PLEKHA8: variants seen among roughly 807,000 people sequenced by gnomAD.
PLEKHA8 encodes the protein pleckstrin homology domain-containing family A member 8.
A neutral mutation model predicts 68.2 loss-of-function variants in PLEKHA8; 36 were observed. That is an observed-to-expected ratio of 0.53 (90% confidence interval 0.40 to 0.70). PLEKHA8 has a LOEUF of 0.70. Among genes scored for constraint, PLEKHA8 ranks in the 30% least tolerant of loss-of-function variants. The pLI is 0.00. For synonymous variants in PLEKHA8, 211 were observed against 216.1 expected (o/e 0.98, Z 0.20); for missense variants, 505 against 615.4 (o/e 0.82, Z 1.90).
At chr7:30,048,043 T>A in intron 4 of PLEKHA8, 87 bp downstream of exon 4, 1 of 773,682 alleles carries the variant, frequency 1.3e-6, no homozygotes, top group Non-Finnish European at 1.7e-6. Context: ...AGGTAAAATA[T>A]TATTTTATTA....
chr7:30,102,645 T>C (rs1265834191), intron 13 of PLEKHA8, among the ~76,000 whole-genome samples: 1 of 152,246 alleles, frequency 6.6e-6, no homozygotes, highest in Non-Finnish European at 1.5e-5. Context: ...CTTGGAAATA[T>C]TATGTGAAGT....
intron 13 of PLEKHA8, among the ~76,000 whole-genome samples, chr7:30,103,174 G>A (rs1795916335): frequency 1.3e-5 from 2 of 152,160 alleles, no homozygotes; most frequent in African/African-American, 4.8e-5. Flanking sequence ...TAACAAAAAT[G>A]TTCCAGAACA....
intron 4 of PLEKHA8, among the ~76,000 whole-genome samples, chr7:30,048,439 CTG>C (rs1011140639): frequency 3.9e-5 from 6 of 152,340 alleles, no homozygotes; most frequent in African/African-American, 1.4e-4. Flanking sequence ...ACCATCATAA[CTG>C]TGCTTTGGAA....
chr7:30,055,363 T>G (rs927696696), intron 9 of PLEKHA8, 21 bp downstream of exon 9: 10 of 1,599,404 alleles, frequency 6.3e-6, no homozygotes, highest in Non-Finnish European at 8.6e-6. Context: ...TGCAGTTGCC[T>G]TACATTCATT....
chr7:30,090,441 C>A, exon 13 of PLEKHA8: 1 of 353,450 alleles, frequency 2.8e-6, no homozygotes, highest in East Asian at 4.6e-5. Flanking sequence ...TGAGTGCCTT[C>A]TTAAGGAAAC....
intron 1 of PLEKHA8, among the ~76,000 whole-genome samples, chr7:30,040,594 A>G (rs1180210152): frequency 6.6e-6 from 1 of 152,144 alleles, no homozygotes; most frequent in African/African-American, 2.4e-5. Flanking sequence ...CCCCCACCCA[A>G]ACCTCATGGT....
chr7:30,119,352 G>A (rs896742484), intron 13 of PLEKHA8, among the ~76,000 whole-genome samples: 2 of 152,152 alleles, frequency 1.3e-5, no homozygotes, highest in African/African-American at 4.8e-5. Context: ...ATTGATGCAT[G>A]CGGAGGTTAA....
rs983023588 is a variant in PLEKHA8, at chr7:30,028,605, G to A, written c.-158G>A. The A allele has an allele frequency of 2.2e-6, 1 of 459,328 alleles. No homozygotes were observed. The highest frequency in any genetic ancestry group is 3.5e-6 in the Non-Finnish European group (1 of 285,422). 28.5% of individuals were successfully genotyped at this position (459,328 alleles called of 1,614,324 possible). A position where few individuals can be genotyped will look rare whatever the true frequency, so the allele number is the denominator to read the frequency against. ...GCAGTGACCCCGCCCCCGGGCCGAG[G>A]ATGTGAGGCGGGCCGGGCGTCCCCA... On this transcript the variant is annotated 5_prime_UTR_variant, in exon 1 of 14. Transcript: ENST00000449726.
In PLEKHA8 at chr7:30,074,216, T is replaced by C. The variant is rs957232410; in HGVS notation, c.1362+84T>C. On this transcript the variant is annotated intron_variant, in intron 13 of 13. Transcript: ENST00000449726. ...CTAGAAATCTCTTCTTACCCAGTTA[T>C]TTATCTAGTCATGATTGTCAGAAAC... 1.3e-5 allele frequency: 16 copies of C among 1,230,612 alleles called. No individual in the cohort carries two copies. The Admixed American group carries it at 2.6e-4, about 20-fold the overall frequency. The allele number at this position is 1,230,612 out of a possible 1,614,324, so 76.2% of individuals were successfully genotyped here.
chr7:30,056,275 A>G (rs1218759787), intron 9 of PLEKHA8, among the ~76,000 whole-genome samples: 1 of 66,978 alleles, frequency 1.5e-5, no homozygotes, highest in Non-Finnish European at 3.1e-5. Context: ...TTTTAAAGAT[A>G]TATTCTCTCT....
Position 30,084,481 on chromosome 7 carries a change from G to A in PLEKHA8, c.*5694G>A, listed in dbSNP as rs897868122. The A allele has an allele frequency of 1.1e-4, 111 of 985,108 alleles. No homozygotes were observed. Among genetic ancestry groups the A allele is most frequent in the Admixed American group, 3.7e-4 (6 of 16,254 alleles). The allele number at this position is 985,108 out of a possible 1,614,324, so 61.0% of individuals were successfully genotyped here. On this transcript the variant is annotated 3_prime_UTR_variant, in exon 14 of 14. Transcript: ENST00000449726. The stretch of plus-strand genomic sequence containing the variant: ...ATGTTGGAGCCTCTTGGGACCAACC[G>A]ATGAGCGACAGTTTCATGTTTAGAT...
At chr7:30,073,988 T>TAAA (rs377361906) in intron 12 of PLEKHA8, 83 bp from the exon 13 acceptor site, 127 of 900,160 alleles carry the variant, frequency 1.4e-4, no homozygotes, top group Admixed American at 1.3e-3. Flanking sequence ...CCTGTCTCTT[T>TAAA]AAAAAAAAAA....
downstream of PLEKHA8, among the ~76,000 whole-genome samples, chr7:30,088,202 G>A (rs1795254984): frequency 1.3e-5 from 2 of 152,198 alleles, no homozygotes; most frequent in Admixed American, 1.3e-4. Flanking sequence ...TGACCACTCA[G>A]AGTATAAATA....
At chr7:30,030,244 A>G (rs1316636094) in intron 1 of PLEKHA8, among the ~76,000 whole-genome samples, 2 of 152,006 alleles carry the variant, frequency 1.3e-5, no homozygotes, top group African/African-American at 4.8e-5. Flanking sequence ...TTCATCTTCA[A>G]CATTCTTCTT....
intron 12 of PLEKHA8, among the ~76,000 whole-genome samples, chr7:30,065,486 A>G (rs557936027): frequency 2.3e-4 from 35 of 151,718 alleles, no homozygotes; most frequent in South Asian, 4.2e-4. Flanking sequence ...AAATGTTTAC[A>G]CAATAGTTAC....
chr7:30,063,231 C>G (rs966599428), intron 12 of PLEKHA8, among the ~76,000 whole-genome samples: 3 of 152,094 alleles, frequency 2.0e-5, no homozygotes, highest in Non-Finnish European at 4.4e-5. Context: ...GTCATAAAGC[C>G]AAAATGGGAT....
In PLEKHA8 at chr7:30,055,068, G is replaced by T. The variant is rs1413363805; in HGVS notation, c.954-189G>T. 2.6e-5 allele frequency among the ~76,000 whole-genome samples: 4 copies of T among 152,196 alleles called. No individual in the cohort carries two copies. In the East Asian group the frequency reaches 7.7e-4, roughly 29 times the overall value. On this transcript the variant is annotated intron_variant, in intron 8 of 13. Coordinates refer to ENST00000449726, the MANE Select transcript of PLEKHA8 (RefSeq NM_001197026.2). Reference sequence around the variant, plus strand: ...AAGTGTGCTCTGTGAACAAATGTTAGCTTGCTTTGGTGGATTATCTTTGGA... The same window carrying T: ...AAGTGTGCTCTGTGAACAAATGTTATCTTGCTTTGGTGGATTATCTTTGGA...
chr7:30,112,956 A>G (rs1224120791), intron 13 of PLEKHA8, among the ~76,000 whole-genome samples: 1 of 152,084 alleles, frequency 6.6e-6, no homozygotes, highest in Non-Finnish European at 1.5e-5. Context: ...AAAGTTTATC[A>G]GTATCTCTAC....
chr7:30,076,223 A>G (rs1794601908), intron 13 of PLEKHA8, among the ~76,000 whole-genome samples: 1 of 152,112 alleles, frequency 6.6e-6, no homozygotes, highest in Admixed American at 6.6e-5. Context: ...TAAATGCCAT[A>G]AAATAGTCTT....
Sources: gnomAD v4.1 joint callset for allele counts (sites outside exome capture counted in the v4.1 genomes callset) on GRCh38, gnomAD v4.1.1 for gene constraint, MANE v1.5 for transcripts, NCBI Gene and HGNC (gene_info 2026-07-23, HGNC 2026-07-21) for gene names.